The following KCTD4 variants were observed in gnomAD, a reference collection of about 807,000 sequenced individuals.
KCTD4 encodes the protein potassium channel tetramerization domain containing 4.
A neutral mutation model predicts 18.3 loss-of-function variants in KCTD4; 12 were observed. That is an observed-to-expected ratio of 0.66 (90% CI 0.42 to 1.06). KCTD4 has a LOEUF of 1.06. Among genes scored for constraint, KCTD4 ranks in the 50% least tolerant of loss-of-function variants. The probability of loss-of-function intolerance (pLI) is 0.00; values close to 1 mark genes in which losing one functional copy is unlikely to be tolerated. For synonymous variants in KCTD4, 124 were observed against 110.5 expected (o/e 1.12, Z -0.76); for missense variants, 250 against 303.4 (o/e 0.82, Z 1.31).
At chr13:45,196,496 A>C (rs1872897869) in intron 1 of KCTD4, among the ~76,000 whole-genome samples, 1 of 152,236 alleles carries the variant, frequency 6.6e-6, no homozygotes, top group Non-Finnish European at 1.5e-5. Context: ...ACAACTCTGG[A>C]AGTACATTCA....
At chr13:45,199,260 A>G (rs546130110) in intron 1 of KCTD4, among the ~76,000 whole-genome samples, 2 of 152,372 alleles carry the variant, frequency 1.3e-5, no homozygotes, top group Admixed American at 1.3e-4. Context: ...TAAATGTTTT[A>G]GCTTCATTTG....
At chr13:45,198,792 A>G (rs1873032812) in intron 1 of KCTD4, among the ~76,000 whole-genome samples, 1 of 150,734 alleles carries the variant, frequency 6.6e-6, no homozygotes, top group African/African-American at 2.4e-5. Context: ...TACTTGCTTC[A>G]TTGCCTCTTG....
intron 1 of KCTD4, among the ~76,000 whole-genome samples, chr13:45,199,256 T>C (rs1873056331): frequency 1.3e-5 from 2 of 152,202 alleles, no homozygotes; most frequent in South Asian, 2.1e-4. Context: ...TTGGTAAATG[T>C]TTTAGCTTCA....
intron 1 of KCTD4, among the ~76,000 whole-genome samples, 192 bp from the exon 2 acceptor site, chr13:45,194,946 C>T (rs1872818847): frequency 6.6e-6 from 1 of 152,108 alleles, no homozygotes; most frequent in Non-Finnish European, 1.5e-5. Context: ...TTTCTAAATG[C>T]CTAAGTTATT....
chr13:45,198,647 C>T (rs943578599), intron 1 of KCTD4, among the ~76,000 whole-genome samples: 2 of 152,084 alleles, frequency 1.3e-5, no homozygotes, highest in Admixed American at 6.6e-5. Flanking sequence ...AAGCTGCTGT[C>T]AACTTTTTAC....
chr13:45,194,550 G>A lies in KCTD4; in HGVS notation c.18C>T (p.Asn6=), dbSNP rs1453890370. The change falls in exon 2 of 2, where the codon AAC becomes AAT. Residue 6 remains asparagine (N), a synonymous_variant. Coordinates refer to ENST00000379108, the MANE Select transcript of KCTD4 (RefSeq NM_198404.3). ...CATACTCCTTTTCTTTTTCTCTTCT[G>A]TTTATTTTACGCTCCATTTTTTGAA... MERKI[N]RREKEKEYEG... is the part of the protein sequence containing the mutation. 6.2e-7 allele frequency: 1 copy of A among 1,610,426 alleles called. No individual in the cohort carries two copies. The highest frequency in any genetic ancestry group is 1.7e-5 in the Admixed American group (1 of 59,208).
At chr13:45,195,701 C>T (rs957414674) in intron 1 of KCTD4, among the ~76,000 whole-genome samples, 2 of 152,226 alleles carry the variant, frequency 1.3e-5, no homozygotes, top group Non-Finnish European at 2.9e-5. Flanking sequence ...TCTGAGGTTT[C>T]ACTTCTAGCA....
intron 1 of KCTD4, among the ~76,000 whole-genome samples, chr13:45,197,308 C>G (rs963726654): frequency 4.0e-5 from 6 of 148,226 alleles, no homozygotes; most frequent in Non-Finnish European, 8.9e-5. Flanking sequence ...ACCAGCCTGG[C>G]CAGTATAGGG....
In KCTD4 at chr13:45,197,341, T is replaced by TAA. The variant is rs67534725; in HGVS notation, c.-187-2589_-187-2588dup. ...GGGAAATCCTTTGTCTACCAAAAAT[T>TAA]AAAAAAAAAAAAAAAAATTAGCTGG... On this transcript the variant is annotated intron_variant, in intron 1 of 1. Transcript: ENST00000379108. Among the ~76,000 whole-genome samples, 821 of 137,162 alleles carry TAA rather than the reference T, an allele frequency of 6.0e-3. 9 individuals are homozygous for TAA. The highest frequency in any genetic ancestry group is 0.021 in the African/African-American group (771 of 37,222). 90.0% of individuals were successfully genotyped at this position (137,162 alleles called of 152,430 possible).
At chr13:45,196,490 C>T (rs1872897259) in intron 1 of KCTD4, among the ~76,000 whole-genome samples, 1 of 152,174 alleles carries the variant, frequency 6.6e-6, no homozygotes, top group Non-Finnish European at 1.5e-5. Context: ...AGGGATACAA[C>T]TCTGGAAGTA....
At chr13:45,196,397 T>C (rs1316063880) in intron 1 of KCTD4, among the ~76,000 whole-genome samples, 1 of 152,242 alleles carries the variant, frequency 6.6e-6, no homozygotes, top group Non-Finnish European at 1.5e-5. Flanking sequence ...CAATCTCATG[T>C]TTGTCTTGAT....
chr13:45,199,766 G>T (rs1168547744), intron 1 of KCTD4, among the ~76,000 whole-genome samples: 1 of 152,144 alleles, frequency 6.6e-6, no homozygotes, highest in Non-Finnish European at 1.5e-5. Flanking sequence ...TCTTGTAAAG[G>T]TAGTACAGTT....
chr13:45,194,809 G>A (rs1593483986), intron 1 of KCTD4, 55 bp from the exon 2 acceptor site: 2 of 500,246 alleles, frequency 4.0e-6, no homozygotes, highest in East Asian at 6.2e-5. Flanking sequence ...GAAGGGATTT[G>A]TTGTGAAAGG....
In KCTD4 at chr13:45,194,307, C is replaced by G; in HGVS notation, c.261G>C (p.Arg87Ser). Reference sequence around the variant, plus strand: ...CATTTCGTAGGAAGTTTAGGACATGCCTGAAGAGGAGACCATCCCTGTCTA... The same window carrying G: ...CATTTCGTAGGAAGTTTAGGACATGGCTGAAGAGGAGACCATCCCTGTCTA... ...YFIDRDGLLF[R>S]HVLNFLRNGE... is the part of the protein sequence containing the mutation. Residue 87 changes from arginine (R) to serine (S), a missense_variant, in exon 2 of 2, where the codon AGG (arginine) becomes AGC (serine). Arg to Ser is a moderately radical substitution (Grantham distance 110, BLOSUM62 -1). Transcript: ENST00000379108. 1 of 1,614,152 alleles carries G rather than the reference C, an allele frequency of 6.2e-7. No individual in the cohort carries two copies. The highest frequency in any genetic ancestry group is 8.5e-7 in the Non-Finnish European group (1 of 1,180,014).
At chr13:45,198,007 C>T (rs1398914217) in intron 1 of KCTD4, among the ~76,000 whole-genome samples, 1 of 152,200 alleles carries the variant, frequency 6.6e-6, no homozygotes, top group African/African-American at 2.4e-5. Flanking sequence ...GATTGGGGTC[C>T]TGTTTCCTAC....
At chr13:45,196,072 T>A (rs891648983) in intron 1 of KCTD4, among the ~76,000 whole-genome samples, 8 of 152,238 alleles carry the variant, frequency 5.3e-5, no homozygotes, top group African/African-American at 1.9e-4. Flanking sequence ...AATGCATACT[T>A]CTTATTTTCT....
rs781071691 is a variant in KCTD4, at chr13:45,194,383, A to G, written c.185T>C (p.Ile62Thr). ...TKYPDTFLEGIVNGKILCPFD... is the reference protein window; with the variant it reads ...TKYPDTFLEGTVNGKILCPFD... ...CGGGCAGAGGATTTTTCCATTTACT[A>G]TACCTTCAAGGAAAGTGTCTGGGTA... Residue 62 changes from isoleucine to threonine, a missense_variant, in exon 2 of 2, where the codon ATA becomes ACA. By Grantham distance (89) the Ile-to-Thr change is moderately conservative. Coordinates refer to ENST00000379108, the MANE Select transcript of KCTD4 (RefSeq NM_198404.3). 18 of 1,614,038 alleles carry G rather than the reference A, an allele frequency of 1.1e-5. No homozygotes were observed. The highest frequency in any genetic ancestry group is 2.7e-5 in the African/African-American group (2 of 74,914).
intron 1 of KCTD4, among the ~76,000 whole-genome samples, chr13:45,195,659 C>T (rs1872854048): frequency 1.3e-5 from 2 of 152,114 alleles, no homozygotes; most frequent in African/African-American, 4.8e-5. Flanking sequence ...TCCTCTTTCC[C>T]CTATAACTTC....
chr13:45,195,635 T>G (rs1012820857), intron 1 of KCTD4, among the ~76,000 whole-genome samples: 1 of 152,196 alleles, frequency 6.6e-6, no homozygotes, highest in Non-Finnish European at 1.5e-5. Context: ...CACCCTCCAC[T>G]TCTCACATCT....
Sources: allele counts gnomAD v4.1 joint callset (sites outside exome capture counted in the v4.1 genomes callset), GRCh38; gene constraint gnomAD v4.1.1; transcripts MANE v1.5; gene names NCBI Gene and HGNC (gene_info 2026-07-23, HGNC 2026-07-21).